Variants in DCAF6 observed in about 807,000 individuals in gnomAD.
The protein encoded by DCAF6 is DDB1- and CUL4-associated factor 6.
In DCAF6, 54 loss-of-function variants were observed where a neutral mutation model predicts 125.1. That is an observed-to-expected ratio of 0.43 (90% confidence interval 0.35 to 0.54). The LOEUF is 0.54. Among genes scored for constraint, DCAF6 ranks in the 20% least tolerant of loss-of-function variants. DCAF6 has a pLI of 0.01. For synonymous variants in DCAF6, 371 were observed against 390.4 expected (o/e 0.95, Z 0.58); for missense variants, 934 against 1,161.7 (o/e 0.80, Z 2.85).
the DCAF6 span, among the ~76,000 whole-genome samples, chr1:167,895,544 G>A: frequency 2.0e-5 from 3 of 152,190 alleles, no homozygotes; most frequent in Non-Finnish European, 4.4e-5. Context: ...GGAAGGGTAA[G>A]TAGCTAAAGT....
At chr1:167,884,403 G>T in the DCAF6 span, among the ~76,000 whole-genome samples, 1 of 151,938 alleles carries the variant, frequency 6.6e-6, no homozygotes, top group Admixed American at 6.6e-5. Context: ...GAACAGCAAG[G>T]GTATAATCCA....
chr1:167,946,652 G>C (rs1160625257), intron 1 of DCAF6, among the ~76,000 whole-genome samples: 1 of 152,018 alleles, frequency 6.6e-6, no homozygotes, highest in Admixed American at 6.5e-5. Context: ...CCTTCATTCT[G>C]TTGATATGAT....
chr1:167,893,270 T>C, the DCAF6 span, among the ~76,000 whole-genome samples: 1 of 152,208 alleles, frequency 6.6e-6, no homozygotes, highest in African/African-American at 2.4e-5. Context: ...CGCATGTTCT[T>C]ATATGCTTGC....
the DCAF6 span, among the ~76,000 whole-genome samples, chr1:167,892,872 G>A: frequency 6.6e-6 from 1 of 152,066 alleles, no homozygotes; most frequent in Non-Finnish European, 1.5e-5. Flanking sequence ...GATAGACCAG[G>A]GTCCAAATCC....
intron 12 of DCAF6, among the ~76,000 whole-genome samples, chr1:168,029,175 T>G (rs1267927000): frequency 1.3e-5 from 2 of 152,206 alleles, no homozygotes; most frequent in African/African-American, 4.8e-5. Context: ...ATACCTCCAG[T>G]TTGTTTAACT....
chr1:167,924,398 ATACTC>A, the DCAF6 span: 2 of 971,576 alleles, frequency 2.1e-6, no homozygotes, highest in Admixed American at 2.9e-5. Context: ...CATACCAAGA[ATACTC>A]TAAAGTATAT....
Position 168,044,982 on chromosome 1 carries a change from G to A in DCAF6, c.2013G>A (p.Gly671=). 1 of 1,614,076 alleles carries A rather than the reference G, an allele frequency of 6.2e-7. No homozygotes were observed. The highest frequency in any genetic ancestry group is 8.5e-7 in the Non-Finnish European group (1 of 1,179,972). The change falls in exon 16 of 22, where the codon GGG becomes GGA. Residue 671 remains glycine (G), a synonymous_variant. Coordinates refer to ENST00000367840, the MANE Select transcript of DCAF6 (RefSeq NM_001198956.2). ...ACCTCAATCTTGATCGCTCTTGTGG[G>A]GTTCCAGAAGAATCTGCTTCATCTG... is the stretch of plus-strand genomic sequence containing the variant. ...RNDLNLDRSC[G]VPEESASSEK...
intron 5 of DCAF6, among the ~76,000 whole-genome samples, chr1:167,988,150 CAATTA>C (rs112524290): frequency 4.0e-5 from 6 of 151,746 alleles, no homozygotes; most frequent in Admixed American, 6.6e-5. Context: ...TGCTTTAATA[CAATTA>C]AATTAATTAA....
At chr1:168,040,310 G>C (rs2101755537) in intron 13 of DCAF6, among the ~76,000 whole-genome samples, 1 of 152,114 alleles carries the variant, frequency 6.6e-6, no homozygotes, top group South Asian at 2.1e-4. Flanking sequence ...GAGAAGAGTA[G>C]TAGATAAGGT....
intron 4 of DCAF6, among the ~76,000 whole-genome samples, chr1:167,982,198 G>C (rs1679287285): frequency 1.3e-5 from 2 of 152,000 alleles, no homozygotes; most frequent in South Asian, 4.2e-4. Context: ...CATGTCCTTT[G>C]CTCATTTTTT....
the DCAF6 span, among the ~76,000 whole-genome samples, chr1:167,898,238 TA>T: frequency 6.6e-6 from 1 of 152,034 alleles, no homozygotes; most frequent in African/African-American, 2.4e-5. Context: ...AACTCTGTAT[TA>T]TTTTTTCAAC....
chr1:167,938,840 C>T (rs1025223615), intron 1 of DCAF6, among the ~76,000 whole-genome samples: 1 of 152,108 alleles, frequency 6.6e-6, no homozygotes, highest in Admixed American at 6.5e-5. Flanking sequence ...TGCTTTTCCC[C>T]CTCCTACTCC....
At chr1:168,052,656 G>A (rs35936928) in intron 17 of DCAF6, among the ~76,000 whole-genome samples, 2,336 of 152,220 alleles carry the variant, frequency 0.015, 179 homozygotes, top group Admixed American at 0.12. Context: ...TCTACTGCCC[G>A]TTATGACTAG....
intron 13 of DCAF6, among the ~76,000 whole-genome samples, chr1:168,040,680 G>A (rs1476486093): frequency 1.3e-5 from 2 of 149,700 alleles, no homozygotes; most frequent in African/African-American, 4.9e-5. Context: ...TACACAAGGA[G>A]CTGGCATCTT....
intron 17 of DCAF6, among the ~76,000 whole-genome samples, chr1:168,052,364 A>G (rs138815900): frequency 1.8e-3 from 267 of 151,666 alleles, no homozygotes; most frequent in Admixed American, 4.9e-3. Context: ...CTGAAACACT[A>G]AAGTAGAGAT....
At chr1:168,038,282 A>G in intron 12 of DCAF6, 89 bp from the exon 13 acceptor site, 2 of 924,882 alleles carry the variant, frequency 2.2e-6, no homozygotes, top group Non-Finnish European at 3.4e-6. Flanking sequence ...TGACAAGGAC[A>G]ACCTAATATA....
chr1:167,877,880 G>T, the DCAF6 span, among the ~76,000 whole-genome samples: 2 of 152,274 alleles, frequency 1.3e-5, no homozygotes, highest in East Asian at 3.9e-4. Context: ...CCCAGAGGAG[G>T]GGGAACAGGA....
intron 3 of DCAF6, among the ~76,000 whole-genome samples, chr1:167,971,810 A>G (rs754629831): frequency 1.3e-5 from 2 of 152,208 alleles, no homozygotes; most frequent in Non-Finnish European, 2.9e-5. Context: ...ATCCAAGGAA[A>G]GCACAACTAA....
Position 168,049,646 on chromosome 1 carries a change from A to ATTTTTTT in DCAF6, c.2259-1226_2259-1220dup, listed in dbSNP as rs756012977. On this transcript the variant is annotated intron_variant, in intron 16 of 21. Coordinates refer to ENST00000367840, the MANE Select transcript of DCAF6 (RefSeq NM_001198956.2). The stretch of plus-strand genomic sequence containing the variant: ...TCTCTGTTTAGATAATCTGCATATA[A>ATTTTTTT]TTTTTTTTTTTTTTTTTTTTTTTTT... Among the ~76,000 whole-genome samples, 5 of 90,300 alleles carry ATTTTTTT rather than the reference A, an allele frequency of 5.5e-5. 2 individuals are homozygous for ATTTTTTT. The highest frequency in any genetic ancestry group is 2.2e-4 in the African/African-American group (4 of 18,428). The allele number at this position is 90,300 out of a possible 152,430, so 59.2% of individuals were successfully genotyped here. A position where few individuals can be genotyped will look rare whatever the true frequency, so the allele number is the denominator to read the frequency against.
Sources: gnomAD v4.1 joint callset for allele counts (sites outside exome capture counted in the v4.1 genomes callset) on GRCh38, gnomAD v4.1.1 for gene constraint, MANE v1.5 for transcripts, NCBI Gene and HGNC (gene_info 2026-07-23, HGNC 2026-07-21) for gene names.